The following ZSWIM6 variants were observed in gnomAD, a reference collection of about 807,000 sequenced individuals.
ZSWIM6 encodes the protein zinc finger SWIM domain-containing protein 6.
In ZSWIM6, 9 loss-of-function variants were observed where a neutral mutation model predicts 113.2. The ratio of observed to expected loss-of-function variants is 0.08; its 90% CI spans 0.05 to 0.14. The LOEUF is 0.14. Ranked by LOEUF, ZSWIM6 falls within the 10% of genes least tolerant of loss-of-function variation. The probability of loss-of-function intolerance (pLI) is 1.00; values close to 1 mark genes in which losing one functional copy is unlikely to be tolerated. For missense variants in ZSWIM6, 1,162 were observed against 1,552.2 expected (o/e 0.75, Z 4.22); for synonymous variants, 611 against 606.5 (o/e 1.01, Z -0.11).
chr5:61,521,677 T>G (rs1457345477), intron 5 of ZSWIM6, among the ~76,000 whole-genome samples: 1 of 152,204 alleles, frequency 6.6e-6, no homozygotes, highest in Non-Finnish European at 1.5e-5. Flanking sequence ...ATATAATACT[T>G]ATTTTATATA....
chr5:61,436,725 C>A (rs7714712), intron 1 of ZSWIM6, among the ~76,000 whole-genome samples: 55,176 of 152,012 alleles, frequency 0.36, 10,242 homozygotes, highest in African/African-American at 0.43. Flanking sequence ...TGTTAAGTAT[C>A]TGACAAATGT....
chr5:61,421,927 G>A (rs956902539), intron 1 of ZSWIM6, among the ~76,000 whole-genome samples: 2 of 152,142 alleles, frequency 1.3e-5, no homozygotes, highest in African/African-American at 4.8e-5. Context: ...CTCTAGGGTT[G>A]TTTGAGCACA....
chr5:61,493,053 C>T (rs1259616371), intron 3 of ZSWIM6, among the ~76,000 whole-genome samples: 1 of 152,104 alleles, frequency 6.6e-6, no homozygotes, highest in African/African-American at 2.4e-5. Flanking sequence ...TGCAGAGAGG[C>T]TTACCCTTGT....
Position 61,472,731 on chromosome 5 carries a change from G to C in ZSWIM6, c.727G>C (p.Glu243Gln). 1.3e-6 allele frequency: 2 copies of C among 1,550,308 alleles called. No individual in the cohort carries two copies. The highest frequency in any genetic ancestry group is 1.7e-6 in the Non-Finnish European group (2 of 1,146,112). ...VTEPAIQSEP[E>Q]TVCNVAISFD... ...AGAACCTGCAATACAATCGGAGCCA[G>C]AAACTGTTTGCAACGTGGCCATCAG... The change falls in exon 2 of 14, where the codon GAA becomes CAA. Residue 243 changes from glutamate to glutamine, a missense_variant. By Grantham distance (29) the Glu-to-Gln change is conservative. Coordinates refer to ENST00000252744, the MANE Select transcript of ZSWIM6 (RefSeq NM_020928.2). This position sits in a 1 kb window ranked among gnomAD's most constrained non-coding sequence, Gnocchi z 4.1.
In ZSWIM6 at chr5:61,531,540, A is replaced by G; in HGVS notation, c.2060A>G (p.Tyr687Cys). Residue 687 changes from tyrosine to cysteine, a missense_variant, in exon 9 of 14, where the codon TAT becomes TGT. Tyr to Cys is a radical substitution (Grantham distance 194). Coordinates refer to ENST00000252744, the MANE Select transcript of ZSWIM6 (RefSeq NM_020928.2). ...AAATTCTTAGAAGAAGGGGAATCCT[A>G]TTTAACGCTGGCTGTGGAAGTAGCC... Reference protein sequence around the residue: ...AHKFLEEGESYLTLAVEVALI... With the variant: ...AHKFLEEGESCLTLAVEVALI... 1.3e-6 allele frequency: 2 copies of G among 1,551,714 alleles called. No homozygotes were observed. The highest frequency in any genetic ancestry group is 2.4e-5 in the East Asian group (1 of 40,918).
At chr5:61,432,676 TTAA>T (rs1746612313) in intron 1 of ZSWIM6, among the ~76,000 whole-genome samples, 1 of 152,240 alleles carries the variant, frequency 6.6e-6, no homozygotes, top group African/African-American at 2.4e-5. Context: ...TTCATTTGTC[TTAA>T]TGATGATGTT....
rs922284656 is a variant in ZSWIM6 at position 61,391,518 on chromosome 5, GA to G, written c.676+58573del. On this transcript the variant is annotated intron_variant, in intron 1 of 13. Coordinates refer to ENST00000252744, the MANE Select transcript of ZSWIM6 (RefSeq NM_020928.2). ...TCTTAGATTTATGCCGGTTTTTATA[GA>G]AATGTCTCTTGCATGCATCGCTGAT... The G allele has an allele frequency of 3.5e-6, 4 of 1,137,654 alleles. No homozygotes were observed. The African/African-American group carries it at 6.1e-5, about 17-fold the overall frequency. 70.5% of individuals were successfully genotyped at this position (1,137,654 alleles called of 1,614,324 possible). A position where few individuals can be genotyped will look rare whatever the true frequency, so the allele number is the denominator to read the frequency against.
chr5:61,420,953 T>C (rs918787184), intron 1 of ZSWIM6, among the ~76,000 whole-genome samples: 1 of 151,858 alleles, frequency 6.6e-6, no homozygotes, highest in Non-Finnish European at 1.5e-5. Flanking sequence ...GGAGTCTTGC[T>C]CTGTCACCCA....
intron 4 of ZSWIM6, among the ~76,000 whole-genome samples, chr5:61,519,803 A>C (rs2112258987): frequency 6.6e-6 from 1 of 152,214 alleles, no homozygotes; most frequent in Non-Finnish European, 1.5e-5. Flanking sequence ...CATGGAAGAC[A>C]GTTTTTCCAC....
chr5:61,436,220 G>T lies in ZSWIM6; in HGVS notation c.677-36461G>T, dbSNP rs112894398. 7.8e-4 allele frequency among the ~76,000 whole-genome samples: 117 copies of T among 150,648 alleles called. 2 individuals are homozygous for T. Among genetic ancestry groups the T allele is most frequent in the African/African-American group, 1.7e-3 (71 of 40,994 alleles). ...CTGTCTAAAAAAAAAAAAAAAAAAT[G>T]TAGTCACTAATTATCACTAAATGAG... is the stretch of plus-strand genomic sequence containing the variant. On this transcript the variant is annotated intron_variant, in intron 1 of 13. Coordinates refer to ENST00000252744, the MANE Select transcript of ZSWIM6 (RefSeq NM_020928.2).
At chr5:61,428,210 AAAGT>A (rs1405196117) in intron 1 of ZSWIM6, among the ~76,000 whole-genome samples, 1 of 152,196 alleles carries the variant, frequency 6.6e-6, no homozygotes, top group Non-Finnish European at 1.5e-5. Flanking sequence ...GTTTTGACTT[AAAGT>A]TAAGGACTGT....
intron 1 of ZSWIM6, among the ~76,000 whole-genome samples, chr5:61,396,456 G>T (rs755341909): frequency 1.3e-5 from 2 of 151,372 alleles, no homozygotes. Flanking sequence ...CACTTGAACC[G>T]GGAGGCAGAG....
chr5:61,430,839 T>C (rs1746566120), intron 1 of ZSWIM6, among the ~76,000 whole-genome samples: 1 of 152,216 alleles, frequency 6.6e-6, no homozygotes, highest in Admixed American at 6.5e-5. Context: ...TTTCTGATCT[T>C]GAATCAATAT....
chr5:61,349,674 A>C (rs956092877), intron 1 of ZSWIM6, among the ~76,000 whole-genome samples: 1 of 152,096 alleles, frequency 6.6e-6, no homozygotes, highest in Non-Finnish European at 1.5e-5. Context: ...GCCAAAAGCT[A>C]TTCTGAAAGC....
chr5:61,424,889 G>A (rs567431755), intron 1 of ZSWIM6, among the ~76,000 whole-genome samples: 8 of 152,000 alleles, frequency 5.3e-5, no homozygotes, highest in South Asian at 2.1e-4. Context: ...CACCACGCCC[G>A]TCTAATTTTT....
chr5:61,434,594 A>G (rs1746663130), intron 1 of ZSWIM6, among the ~76,000 whole-genome samples: 1 of 152,182 alleles, frequency 6.6e-6, no homozygotes, highest in Admixed American at 6.5e-5. Flanking sequence ...GTTGAGCTCC[A>G]TCTAAGCTGC....
intron 1 of ZSWIM6, among the ~76,000 whole-genome samples, chr5:61,436,900 C>T (rs1427879484): frequency 2.0e-5 from 3 of 152,114 alleles, no homozygotes; most frequent in East Asian, 3.9e-4. Flanking sequence ...TTAATTATGT[C>T]GGCCTGCAGT....
chr5:61,474,243 A>C (rs570881363), intron 2 of ZSWIM6, among the ~76,000 whole-genome samples: 184 of 152,366 alleles, frequency 1.2e-3, no homozygotes, highest in Non-Finnish European at 1.5e-3. Context: ...GGAATAATAC[A>C]GTATGATTCT....
At chr5:61,334,845 A>G (rs1579936167) in intron 1 of ZSWIM6, among the ~76,000 whole-genome samples, 1 of 150,210 alleles carries the variant, frequency 6.7e-6, no homozygotes, top group African/African-American at 2.4e-5. Context: ...TCTCAGTATA[A>G]CAAACTAGAG....
Sources: gnomAD v4.1 joint callset for allele counts (sites outside exome capture counted in the v4.1 genomes callset) on GRCh38, gnomAD v4.1.1 for gene constraint, Gnocchi (gnomAD v3.1) non-coding constraint, MANE v1.5 for transcripts, NCBI Gene and HGNC (gene_info 2026-07-23, HGNC 2026-07-21) for gene names.